The following ARID1B variants were observed in gnomAD, a reference collection of about 807,000 sequenced individuals.
The protein encoded by ARID1B is AT-rich interactive domain-containing protein 1B.
ARID1B carries 30 observed loss-of-function variants against 212.3 expected under a neutral mutation model. The observed-to-expected ratio is 0.14, with a 90% CI of 0.11 to 0.19. The LOEUF (loss-of-function observed/expected upper bound fraction) is 0.19. Among genes scored for constraint, ARID1B ranks in the 10% least tolerant of loss-of-function variants. The pLI, the probability that ARID1B is intolerant of heterozygous loss-of-function variation, is 1.00. For missense variants in ARID1B, 2,891 were observed against 3,204.0 expected, an observed-to-expected ratio of 0.90 and a Z score of 2.36; for synonymous variants, 1,402 against 1,301.7, an observed-to-expected ratio of 1.08 and a Z score of -1.66.
chr6:156,901,583 T>C (rs1788946810), intron 3 of ARID1B, 58 bp downstream of exon 3: 1 of 1,542,076 alleles, frequency 6.5e-7, no homozygotes, highest in Non-Finnish European at 8.7e-7. Context: ...CAGACCCGGC[T>C]CTGAATCATC....
chr6:157,128,928 C>T (rs1176145046), intron 6 of ARID1B, among the ~76,000 whole-genome samples: 1 of 152,204 alleles, frequency 6.6e-6, no homozygotes, highest in Non-Finnish European at 1.5e-5. Context: ...AGGTACTTCC[C>T]ATAATACACC....
intron 8 of ARID1B, among the ~76,000 whole-genome samples, chr6:157,163,817 G>T (rs1458593206): frequency 2.0e-5 from 3 of 152,272 alleles, no homozygotes; most frequent in Non-Finnish European, 4.4e-5. Context: ...GGTGCAGCAG[G>T]CTGCCAGGAG....
chr6:157,198,937 T>C, intron 17 of ARID1B, 30 bp downstream of exon 17: 1 of 1,539,862 alleles, frequency 6.5e-7, no homozygotes, highest in African/African-American at 1.4e-5. Flanking sequence ...TGGGGTGCTG[T>C]GTTTTCTGGT....
At chr6:156,813,270 ATTTTTT>A (rs553503458) in intron 1 of ARID1B, among the ~76,000 whole-genome samples, 1 of 138,252 alleles carries the variant, frequency 7.2e-6, no homozygotes, top group African/African-American at 2.7e-5. Flanking sequence ...CGCCCTGCTA[ATTTTTT>A]TTTTTTTTTT....
intron 2 of ARID1B, among the ~76,000 whole-genome samples, chr6:156,868,834 G>A (rs952895762): frequency 2.6e-5 from 4 of 152,174 alleles, no homozygotes; most frequent in African/African-American, 4.8e-5. Context: ...TTTAGAAATA[G>A]GATTTAGAGA....
In ARID1B at chr6:156,950,605, C is replaced by CG. The variant is rs35187846; in HGVS notation, c.2247+15036dup. Reference sequence around the variant, plus strand: ...TTGTTGTGGGCCAGGTGGTATTTTGCGGGGGGGTAACAACCTGAAAGTTGT... The same window carrying CG: ...TTGTTGTGGGCCAGGTGGTATTTTGCGGGGGGGGTAACAACCTGAAAGTTGT... On this transcript the variant is annotated intron_variant, in intron 4 of 19. Coordinates refer to ENST00000636930, the MANE Select transcript of ARID1B (RefSeq NM_001374828.1). 2.3e-4 allele frequency among the ~76,000 whole-genome samples: 35 copies of CG among 151,858 alleles called. No individual in the cohort carries two copies. In the South Asian group the frequency reaches 2.7e-3, roughly 12 times the overall value.
chr6:157,175,090 T>C, intron 11 of ARID1B, 85 bp downstream of exon 11: 2 of 1,113,968 alleles, frequency 1.8e-6, no homozygotes, highest in Non-Finnish European at 2.3e-6. Flanking sequence ...ACTTGAATGC[T>C]TGCTTGTTTA....
At chr6:157,027,117 A>C (rs1163428971) in intron 4 of ARID1B, among the ~76,000 whole-genome samples, 2 of 152,210 alleles carry the variant, frequency 1.3e-5, no homozygotes, top group African/African-American at 4.8e-5. Context: ...AAATCTGAAA[A>C]GAATAAAAAA....
chr6:156,937,626 A>G (rs1729608080), intron 4 of ARID1B: 2 of 152,238 alleles, frequency 1.3e-5, no homozygotes, highest in African/African-American at 2.4e-5. Context: ...GGCATGAAGT[A>G]TTGTAGTTTC....
At chr6:156,871,798 G>T (rs1786156095) in intron 2 of ARID1B, 5 of 935,668 alleles carry the variant, frequency 5.3e-6, no homozygotes, top group East Asian at 2.6e-5. Context: ...CCCTGTGCAG[G>T]TGCATGTCCT....
intron 4 of ARID1B, among the ~76,000 whole-genome samples, chr6:157,053,421 A>G (rs1301093763): frequency 1.3e-5 from 2 of 152,244 alleles, no homozygotes; most frequent in Admixed American, 6.5e-5. Flanking sequence ...TTCTGAAGAT[A>G]GCAATAGCCC....
At chr6:157,186,780 A>G (rs996461786) in intron 13 of ARID1B, among the ~76,000 whole-genome samples, 18 of 152,212 alleles carry the variant, frequency 1.2e-4, no homozygotes, top group Non-Finnish European at 2.1e-4. Context: ...CTGAAGAAAC[A>G]TTTTAGATTT....
intron 1 of ARID1B, among the ~76,000 whole-genome samples, chr6:156,792,768 T>A (rs533135534): frequency 4.8e-4 from 73 of 152,278 alleles, no homozygotes; most frequent in Middle Eastern, 3.4e-3. Flanking sequence ...TTATGAAATA[T>A]CGTGGGTCAG....
intron 5 of ARID1B, among the ~76,000 whole-genome samples, chr6:157,097,597 G>A (rs1048203887): frequency 3.9e-5 from 6 of 152,326 alleles, no homozygotes; most frequent in Middle Eastern, 6.8e-3. Context: ...GTCACGAAGC[G>A]TTGGAACCCA....
chr6:156,934,099 C>CT (rs1791963850), intron 3 of ARID1B, among the ~76,000 whole-genome samples: 1 of 152,194 alleles, frequency 6.6e-6, no homozygotes, highest in African/African-American at 2.4e-5. Flanking sequence ...TATGATGTTT[C>CT]TTTAATACCA....
At chr6:157,056,676 G>C (rs1329855477) in intron 4 of ARID1B, among the ~76,000 whole-genome samples, 1 of 152,118 alleles carries the variant, frequency 6.6e-6, no homozygotes, top group African/African-American at 2.4e-5. Context: ...GCTGTGTCTG[G>C]TTAGTTTGAT....
intron 2 of ARID1B, among the ~76,000 whole-genome samples, chr6:156,843,991 G>A (rs562040473): frequency 6.6e-6 from 1 of 152,190 alleles, no homozygotes; most frequent in South Asian, 2.1e-4. Context: ...AGTTTGCTGG[G>A]TCTGGGGAGA....
At chr6:157,131,691 T>C (rs1788559747) in intron 6 of ARID1B, among the ~76,000 whole-genome samples, 1 of 151,850 alleles carries the variant, frequency 6.6e-6, no homozygotes, top group Non-Finnish European at 1.5e-5. Context: ...TGATGTTTTG[T>C]TTTGTTTTGT....
intron 13 of ARID1B, 132 bp from the exon 14 acceptor site, chr6:157,189,510 A>C (rs1161890783): frequency 9.2e-7 from 1 of 1,092,390 alleles, no homozygotes. Flanking sequence ...AGCAATGGCT[A>C]TTGTTACTGT....
Sources: allele counts gnomAD v4.1 joint callset (sites outside exome capture counted in the v4.1 genomes callset), GRCh38; gene constraint gnomAD v4.1.1; transcripts MANE v1.5; gene names NCBI Gene and HGNC (gene_info 2026-07-23, HGNC 2026-07-21).